FKBP5: variants seen among roughly 807,000 people sequenced by gnomAD.
FKBP5 encodes the protein FKBP prolyl isomerase 5.
In FKBP5, 23 loss-of-function variants were observed where a neutral mutation model predicts 50.5. The ratio of observed to expected loss-of-function variants is 0.46; its 90% CI spans 0.33 to 0.65. The LOEUF is 0.65. FKBP5 is among the 30% of genes least tolerant of loss of function. The pLI is 0.02. For synonymous variants in FKBP5, 176 were observed against 190.6 expected, an observed-to-expected ratio of 0.92 and a Z score of 0.63; for missense variants, 411 against 553.1, an observed-to-expected ratio of 0.74 and a Z score of 2.58.
rs1156307345 is a variant in FKBP5 at position 35,660,434 on chromosome 6, G to A, written c.-19-17591C>T. On this transcript the variant is annotated intron_variant, in intron 1 of 10. Transcript: ENST00000357266. ...TAGGCATGCACCACCACGCCCGGCT[G>A]ATTTTGTATTTTTAGTAGAGACAGG... Among the ~76,000 whole-genome samples the A allele has an allele frequency of 7.3e-4, 58 of 79,412 alleles. 25 individuals are homozygous for A. The highest frequency in any genetic ancestry group is 5.7e-5 in the Non-Finnish European group (2 of 35,134). The allele number at this position is 79,412 out of a possible 152,430, so 52.1% of individuals were successfully genotyped here.
At chr6:35,685,366 A>G (rs976192660) in intron 1 of FKBP5, among the ~76,000 whole-genome samples, 1 of 152,198 alleles carries the variant, frequency 6.6e-6, no homozygotes, top group East Asian at 1.9e-4. Flanking sequence ...ACCACCACCC[A>G]GTCGCTACTG....
chr6:35,592,364 C>T (rs1219682233), intron 6 of FKBP5, among the ~76,000 whole-genome samples: 2 of 152,158 alleles, frequency 1.3e-5, no homozygotes, highest in African/African-American at 2.4e-5. Flanking sequence ...TACTCACTCA[C>T]CTCCACTGTT....
At chr6:35,593,151 A>G (rs1762872402) in intron 6 of FKBP5, among the ~76,000 whole-genome samples, 1 of 152,242 alleles carries the variant, frequency 6.6e-6, no homozygotes, top group African/African-American at 2.4e-5. Context: ...GAAAGTTGTC[A>G]GCCTGGGTGA....
At position 35,664,238 on chromosome 6, in the gene FKBP5, T is replaced by C. The variant is rs146243621; in HGVS notation, c.-19-21395A>G. Among the ~76,000 whole-genome samples the C allele has an allele frequency of 7.1e-3, 1,074 of 152,288 alleles. 11 individuals carry two copies. The highest frequency in any genetic ancestry group is 0.022 in the African/African-American group (927 of 41,546). The stretch of plus-strand genomic sequence containing the variant: ...AAGCCAGGGAATATTTTTTAAATAA[T>C]CAATTAAAATGTACAAAGTATCTGG... On this transcript the variant is annotated intron_variant, in intron 1 of 10. Coordinates refer to ENST00000357266, the MANE Select transcript of FKBP5 (RefSeq NM_004117.4).
At chr6:35,636,410 C>T (rs1388433273) in intron 3 of FKBP5, among the ~76,000 whole-genome samples, 3 of 152,172 alleles carry the variant, frequency 2.0e-5, no homozygotes, top group African/African-American at 7.2e-5. Context: ...TTTGCCCTTT[C>T]AAGTAAAAAT....
chr6:35,600,724 T>C (rs940114504), intron 5 of FKBP5, among the ~76,000 whole-genome samples: 5 of 152,170 alleles, frequency 3.3e-5, no homozygotes, highest in African/African-American at 1.2e-4. Context: ...GGGGAGGAAA[T>C]TATCAGTACA....
intron 1 of FKBP5, among the ~76,000 whole-genome samples, chr6:35,725,319 G>A (rs1271425449): frequency 2.6e-5 from 4 of 152,132 alleles, no homozygotes; most frequent in Non-Finnish European, 5.9e-5. Flanking sequence ...CAGGTCTGCC[G>A]AGCTCTTGGA....
chr6:35,611,729 T>G (rs1471380456), intron 5 of FKBP5, among the ~76,000 whole-genome samples: 1 of 152,158 alleles, frequency 6.6e-6, no homozygotes, highest in African/African-American at 2.4e-5. Context: ...TCATCTTAAC[T>G]GACACAAGAA....
intron 7 of FKBP5, among the ~76,000 whole-genome samples, chr6:35,590,036 C>G (rs372443484): frequency 6.6e-6 from 1 of 152,186 alleles, no homozygotes; most frequent in African/African-American, 2.4e-5. Flanking sequence ...AGTGGCTCAC[C>G]CCTACAATCC....
At chr6:35,688,441 C>G (rs1260109368) in intron 1 of FKBP5, among the ~76,000 whole-genome samples, 1 of 151,940 alleles carries the variant, frequency 6.6e-6, no homozygotes, top group Non-Finnish European at 1.5e-5. Context: ...TCATCCCGGG[C>G]GGGAAACAAA....
At chr6:35,715,416 A>G (rs536453092) in intron 2 of FKBP5, among the ~76,000 whole-genome samples, 2 of 152,200 alleles carry the variant, frequency 1.3e-5, no homozygotes. Context: ...AAGCTTATAT[A>G]TATATGCTTG....
chr6:35,716,201 G>A (rs892084699), intron 2 of FKBP5, among the ~76,000 whole-genome samples: 1 of 151,872 alleles, frequency 6.6e-6, no homozygotes, highest in African/African-American at 2.4e-5. Context: ...GGGAGACCTC[G>A]TTTCTAAAAA....
chr6:35,590,933 C>T (rs534134035), intron 7 of FKBP5, among the ~76,000 whole-genome samples, 197 bp downstream of exon 7: 6 of 149,668 alleles, frequency 4.0e-5, no homozygotes, highest in South Asian at 2.1e-4. Flanking sequence ...AATAAGAACA[C>T]GGAGCTCCTT....
upstream of FKBP5, among the ~76,000 whole-genome samples, chr6:35,693,677 C>T (rs1159954692): frequency 3.9e-5 from 6 of 152,000 alleles, no homozygotes; most frequent in Non-Finnish European, 7.4e-5. Flanking sequence ...CATGCCACCA[C>T]GCCCAGCTAA....
chr6:35,630,429 C>T (rs568509876), intron 3 of FKBP5, among the ~76,000 whole-genome samples: 9 of 152,146 alleles, frequency 5.9e-5, no homozygotes, highest in African/African-American at 2.2e-4. Flanking sequence ...TGCCTGTAAT[C>T]CCAGCTACTC....
At chr6:35,727,111 G>T (rs1766729524) in intron 1 of FKBP5, among the ~76,000 whole-genome samples, 1 of 152,182 alleles carries the variant, frequency 6.6e-6, no homozygotes. Context: ...AGGCACTCCT[G>T]GCATGAGAAA....
Position 35,639,720 on chromosome 6 carries a change from C to G in FKBP5, c.106-2562G>C, listed in dbSNP as rs114525291. On this transcript the variant is annotated intron_variant, in intron 2 of 10. Transcript: ENST00000357266. Reference sequence around the variant, plus strand: ...ATAGCTGCAAGTCCCCAAAATTTGACTTAGCACATAATAGCAATTCACATA... The same window carrying G: ...ATAGCTGCAAGTCCCCAAAATTTGAGTTAGCACATAATAGCAATTCACATA... 7.3e-3 allele frequency among the ~76,000 whole-genome samples: 1,115 copies of G among 152,290 alleles called. 12 individuals are homozygous for G. The highest frequency in any genetic ancestry group is 0.023 in the African/African-American group (964 of 41,578).
chr6:35,618,988 G>A (rs1015684154), intron 5 of FKBP5, 108 bp downstream of exon 5: 16 of 740,968 alleles, frequency 2.2e-5, no homozygotes, highest in East Asian at 1.1e-4. Context: ...GAGTCACTGC[G>A]CACAGCCGAT....
chr6:35,723,962 G>A (rs1766657605), intron 1 of FKBP5, among the ~76,000 whole-genome samples: 1 of 152,278 alleles, frequency 6.6e-6, no homozygotes, highest in African/African-American at 2.4e-5. Context: ...CCTTAGGCAA[G>A]CAACTTAGCT....
Sources: allele counts gnomAD v4.1 joint callset (sites outside exome capture counted in the v4.1 genomes callset), GRCh38; gene constraint gnomAD v4.1.1; transcripts MANE v1.5; gene names NCBI Gene and HGNC (gene_info 2026-07-23, HGNC 2026-07-21).